The following DLG3 variants were observed in gnomAD, a reference collection of about 807,000 sequenced individuals.
DLG3 encodes the protein disks large homolog 3.
A neutral mutation model predicts 64.1 loss-of-function variants in DLG3; 1 was observed. The observed-to-expected ratio is 0.02, with a 90% CI of 0.01 to 0.07. The LOEUF (loss-of-function observed/expected upper bound fraction) is 0.07. Ranked by LOEUF, DLG3 falls within the 10% of genes least tolerant of loss-of-function variation. The pLI is 1.00. For missense variants in DLG3, 429 were observed against 669.5 expected (o/e 0.64, Z 3.96); for synonymous variants, 245 against 259.8 (o/e 0.94, Z 0.55).
Position 70,479,154 on chromosome X carries a change from C to T in DLG3, c.1410C>T (p.Tyr470=), listed in dbSNP as rs1303859519. The T allele has an allele frequency of 2.5e-6, 3 of 1,204,098 alleles. No homozygotes were observed. Among genetic ancestry groups the T allele is most frequent in the Non-Finnish European group, 3.4e-6 (3 of 888,432 alleles). Residue 470 remains tyrosine (Y), a synonymous_variant, in exon 10 of 19, where the codon TAC becomes TAT. Coordinates refer to ENST00000374360, the MANE Select transcript of DLG3 (RefSeq NM_021120.4). ...TIVAQYRPEE[Y]SRFESKIHDL... Reference sequence around the variant, plus strand: ...TTTCCCTTGTTTCCGTGACAGAATACAGTCGCTTTGAATCGAAGATACATG... The same window carrying T: ...TTTCCCTTGTTTCCGTGACAGAATATAGTCGCTTTGAATCGAAGATACATG...
chrX:70,486,435 A>G (rs965326262), intron 10 of DLG3, among the ~76,000 whole-genome samples: 5 of 111,369 alleles, frequency 4.5e-5, no homozygotes, highest in Admixed American at 3.8e-4. Context: ...GGAGGCCTCA[A>G]TGAAATTATT....
At chrX:70,448,457 C>G (rs767612098) in intron 1 of DLG3, 1 of 553,112 alleles carries the variant, frequency 1.8e-6, no homozygotes, top group South Asian at 3.2e-5. Flanking sequence ...TATGATCCCC[C>G]AGTCAGGGAG....
In DLG3 at chrX:70,450,324, G is replaced by A. The variant is rs1364887633; in HGVS notation, c.840+19G>A. On this transcript the variant is annotated intron_variant, in intron 5 of 18. Coordinates refer to ENST00000374360, the MANE Select transcript of DLG3 (RefSeq NM_021120.4). ...GCTGGCGGTGAGACAGACTTCATGG[G>A]GATGCCCAAATGGTAGGGTAGGGAG... The A allele has an allele frequency of 8.5e-7, 1 of 1,170,219 alleles. No individual in the cohort carries two copies. Among genetic ancestry groups the A allele is most frequent in the Non-Finnish European group, 1.1e-6 (1 of 874,138 alleles).
At chrX:70,498,649 A>G in intron 14 of DLG3, 79 bp downstream of exon 14, 3 of 940,335 alleles carry the variant, frequency 3.2e-6, no homozygotes, top group Non-Finnish European at 4.5e-6. Flanking sequence ...CTGTGGCAGC[A>G]GAGGGAGGGA....
chrX:70,498,937 T>C (rs2087505996), intron 14 of DLG3, among the ~76,000 whole-genome samples: 1 of 112,162 alleles, frequency 8.9e-6, no homozygotes, highest in Non-Finnish European at 1.9e-5. Flanking sequence ...AGTGCAGAGA[T>C]TTTTTCTGAC....
At chrX:70,448,575 C>T in intron 1 of DLG3, 1 of 1,164,820 alleles carries the variant, frequency 8.6e-7, no homozygotes, top group Non-Finnish European at 1.1e-6. Flanking sequence ...TGCCATCCCC[C>T]TTAGGCCAGG....
At chrX:70,486,119 C>T (rs1327406961) in intron 10 of DLG3, among the ~76,000 whole-genome samples, 2 of 110,381 alleles carry the variant, frequency 1.8e-5, no homozygotes, top group Non-Finnish European at 1.9e-5. Context: ...GTTTTGTAGC[C>T]TACCATCACT....
intron 12 of DLG3, 70 bp from the exon 13 acceptor site, chrX:70,495,338 T>A: frequency 2.0e-6 from 2 of 980,609 alleles, no homozygotes; most frequent in Non-Finnish European, 2.9e-6. Flanking sequence ...TTCCATTCCC[T>A]CCCATCCCTT....
At chrX:70,482,662 G>GTTTTTTTTTTTTTTTTTTTTTTTT (rs774419870) in intron 10 of DLG3, among the ~76,000 whole-genome samples, 1 of 66,089 alleles carries the variant, frequency 1.5e-5, no homozygotes, top group Non-Finnish European at 2.7e-5. Context: ...CATGTGTGGT[G>GTTTTTTTTTTTTTTTTTTTTTTTT]TTTTTTTTTT....
chrX:70,451,418 G>C (rs1386902890), intron 6 of DLG3, among the ~76,000 whole-genome samples: 1 of 111,400 alleles, frequency 9.0e-6, no homozygotes, highest in African/African-American at 3.3e-5. Flanking sequence ...CTGTCCCTTA[G>C]AGCTGGGTGC....
chrX:70,464,219 CCTTTCCTTTCT>C (rs1353096330), intron 9 of DLG3, among the ~76,000 whole-genome samples: 4 of 72,239 alleles, frequency 5.5e-5, no homozygotes, highest in Non-Finnish European at 1.0e-4. Flanking sequence ...CCTTTCCTTT[CCTTTCCTTTCT>C]CTTTCCTTTC....
Position 70,445,473 on chromosome X carries a change from C to G in DLG3, c.272C>G (p.Pro91Arg), listed in dbSNP as rs1357198018. Reference protein sequence around the residue: ...DVGPVPPKPVPGKSTPKLNGS... With the variant: ...DVGPVPPKPVRGKSTPKLNGS... ...GGGCCGGTGCCTCCTAAGCCAGTCC[C>G]GGGCAAGAGCACCCCCAAACTCAAC... is the stretch of plus-strand genomic sequence containing the variant. The change falls in exon 1 of 19, where the codon CCG (proline) becomes CGG (arginine). Residue 91 changes from proline (P) to arginine (R), a missense_variant. Transcript: ENST00000374360. The G allele has an allele frequency of 8.3e-7, 1 of 1,202,285 alleles. No individual in the cohort carries two copies. The highest frequency in any genetic ancestry group is 1.1e-6 in the Non-Finnish European group (1 of 891,240).
intron 13 of DLG3, among the ~76,000 whole-genome samples, chrX:70,497,894 C>T (rs905714535): frequency 2.7e-5 from 3 of 111,921 alleles, no homozygotes; most frequent in Non-Finnish European, 5.6e-5. Context: ...CACCCAGCAC[C>T]GAGTGGCTTG....
chrX:70,500,175 C>A, intron 16 of DLG3, 126 bp downstream of exon 16: 1 of 606,602 alleles, frequency 1.6e-6, no homozygotes, highest in South Asian at 2.9e-5. Flanking sequence ...AGCACATCTG[C>A]ATACTCCCAG....
At chrX:70,454,046 TA>T (rs1360000183) in intron 8 of DLG3, among the ~76,000 whole-genome samples, 167 bp from the exon 9 acceptor site, 2 of 112,292 alleles carry the variant, frequency 1.8e-5, no homozygotes, top group Admixed American at 9.4e-5. Context: ...ATTGTTACAC[TA>T]GAGATGTCGT....
At chrX:70,498,200 G>A (rs1489527432) in intron 13 of DLG3, among the ~76,000 whole-genome samples, 1 of 112,582 alleles carries the variant, frequency 8.9e-6, no homozygotes, top group East Asian at 2.8e-4. Context: ...CAGAGCAAGG[G>A]GGCTACTGCA....
intron 6 of DLG3, 143 bp from the exon 7 acceptor site, chrX:70,451,724 G>C: frequency 1.5e-6 from 1 of 678,710 alleles, no homozygotes; most frequent in Non-Finnish European, 2.3e-6. Flanking sequence ...GCGGGTGGAT[G>C]GAGTGGGGAG....
chrX:70,504,025 C>T lies in DLG3; in HGVS notation c.*1756C>T, dbSNP rs886227521. On this transcript the variant is annotated 3_prime_UTR_variant, in exon 19 of 19. Transcript: ENST00000374360. ...TGCTTTAAGCACTACCAGCCGAATC[C>T]GGGAACTCTGTTAACAGTTGTCCAA... is the stretch of plus-strand genomic sequence containing the variant. 3.6e-5 allele frequency: 4 copies of T among 111,897 alleles called. No individual in the cohort carries two copies. Among genetic ancestry groups the T allele is most frequent in the Admixed American group, 1.9e-4 (2 of 10,484 alleles). 9.2% of individuals were successfully genotyped at this position (111,897 alleles called of 1,213,427 possible).
intron 9 of DLG3, among the ~76,000 whole-genome samples, chrX:70,471,361 C>T (rs868254834): frequency 4.0e-4 from 43 of 107,767 alleles, no homozygotes; most frequent in Middle Eastern, 4.7e-3. Flanking sequence ...ACGGAGTCTC[C>T]CTCTGTTGCA....
Sources: gnomAD v4.1 joint callset for allele counts (sites outside exome capture counted in the v4.1 genomes callset) on GRCh38, gnomAD v4.1.1 for gene constraint, MANE v1.5 for transcripts, NCBI Gene and HGNC (gene_info 2026-07-23, HGNC 2026-07-21) for gene names.